AZIN1: variants seen among roughly 807,000 people sequenced by gnomAD.
AZIN1 encodes the protein antizyme inhibitor 1.
In AZIN1, 12 loss-of-function variants were observed where a neutral mutation model predicts 47.4. That is an observed-to-expected ratio of 0.25 (90% confidence interval 0.16 to 0.41). The LOEUF is 0.41. AZIN1 is among the 10% of genes least tolerant of loss of function. AZIN1 has a pLI of 1.00. For missense variants in AZIN1, 410 were observed against 532.4 expected (o/e 0.77, Z 2.26); for synonymous variants, 155 against 176.3 (o/e 0.88, Z 0.96).
At position 102,861,547 on chromosome 8, in the gene AZIN1, C is replaced by A. The variant is rs1173354096; in HGVS notation, c.-234+2260G>T. On this transcript the variant is annotated intron_variant, in intron 1 of 11. Coordinates refer to ENST00000337198, the MANE Select transcript of AZIN1 (RefSeq NM_148174.4). ...TAATAAAGTTTATTTTTAAAAAAAA[C>A]AACCAAGGGACAGTCACCTAATGGG... Among the ~76,000 whole-genome samples, 8 of 151,672 alleles carry A rather than the reference C, an allele frequency of 5.3e-5. No individual in the cohort carries two copies. The East Asian group carries it at 9.8e-4, about 19-fold the overall frequency.
intron 2 of AZIN1, among the ~76,000 whole-genome samples, chr8:102,848,995 G>A (rs908671945): frequency 6.6e-6 from 1 of 152,122 alleles, no homozygotes; most frequent in African/African-American, 2.4e-5. Flanking sequence ...GATTCACTAA[G>A]TTAATCTACC....
intron 2 of AZIN1, among the ~76,000 whole-genome samples, chr8:102,846,915 A>T (rs2131250559): frequency 6.6e-6 from 1 of 152,302 alleles, no homozygotes; most frequent in Admixed American, 6.5e-5. Context: ...AAGCTAAATA[A>T]TTTTAATCAA....
intron 8 of AZIN1, among the ~76,000 whole-genome samples, chr8:102,833,473 T>G (rs1246573363): frequency 3.9e-5 from 3 of 76,898 alleles, no homozygotes; most frequent in African/African-American, 1.1e-4. Flanking sequence ...TTTGTTTTTG[T>G]TTTTTTTTAA....
chr8:102,858,820 A>G (rs546973793), intron 1 of AZIN1, among the ~76,000 whole-genome samples: 3 of 152,364 alleles, frequency 2.0e-5, no homozygotes, highest in African/African-American at 7.2e-5. Flanking sequence ...TATTATCACC[A>G]GGAACAAATA....
At chr8:102,843,172 C>T (rs1454662432) in intron 3 of AZIN1, among the ~76,000 whole-genome samples, 1 of 146,162 alleles carries the variant, frequency 6.8e-6, no homozygotes, top group African/African-American at 2.6e-5. Flanking sequence ...CGCCACTGCA[C>T]TCCAGCCTGG....
intron 11 of AZIN1, 49 bp from the exon 12 acceptor site, chr8:102,828,727 A>G: frequency 4.4e-6 from 5 of 1,145,244 alleles, no homozygotes; most frequent in Non-Finnish European, 6.5e-6. Context: ...CCCAAAGACC[A>G]CGTAATCACA....
chr8:102,837,605 T>C (rs780370457), intron 5 of AZIN1, among the ~76,000 whole-genome samples: 29 of 152,142 alleles, frequency 1.9e-4, no homozygotes, highest in Non-Finnish European at 3.7e-4. Context: ...ACATCACAAA[T>C]CACAGCTTGT....
chr8:102,841,975 G>A (rs1369386626), intron 3 of AZIN1, among the ~76,000 whole-genome samples: 1 of 152,088 alleles, frequency 6.6e-6, no homozygotes, highest in Non-Finnish European at 1.5e-5. Flanking sequence ...GCTGGGCCTG[G>A]TGCTGGGCGC....
At position 102,828,560 on chromosome 8, in the gene AZIN1, T is replaced by C; in HGVS notation, c.*7A>G. On this transcript the variant is annotated 3_prime_UTR_variant, in exon 12 of 12. Transcript: ENST00000337198. ...AACTTCAGATCTAAAGAAGCGTTAATGCCTGTTTAAGCTTCAGCGGAAAAG... is the reference window on the plus strand; with the variant it reads ...AACTTCAGATCTAAAGAAGCGTTAACGCCTGTTTAAGCTTCAGCGGAAAAG... 6.3e-7 allele frequency: 1 copy of C among 1,586,628 alleles called. No homozygotes were observed. Among genetic ancestry groups the C allele is most frequent in the South Asian group, 1.1e-5 (1 of 89,666 alleles).
intron 3 of AZIN1, among the ~76,000 whole-genome samples, chr8:102,841,890 C>T (rs1812216773): frequency 6.6e-6 from 1 of 151,110 alleles, no homozygotes; most frequent in African/African-American, 2.4e-5. Context: ...GTGGGTGGAT[C>T]ACCTGAGGTC....
In AZIN1 at chr8:102,830,467, C is replaced by CA. The variant is rs202112686; in HGVS notation, c.905-532dup. Among the ~76,000 whole-genome samples the CA allele has an allele frequency of 8.2e-3, 1,210 of 148,010 alleles. 20 individuals carry two copies. Among genetic ancestry groups the CA allele is most frequent in the African/African-American group, 0.028 (1,118 of 40,224 alleles). ...GAAGACTTTCTGATAGTTGCTGTTT[C>CA]AAAAAAAGAGGAAATGAAGCAGCAA... On this transcript the variant is annotated intron_variant, in intron 9 of 11. Transcript: ENST00000337198.
intron 1 of AZIN1, among the ~76,000 whole-genome samples, chr8:102,858,682 C>T (rs1813442310): frequency 6.6e-6 from 1 of 152,144 alleles, no homozygotes; most frequent in Admixed American, 6.5e-5. Context: ...TTAGCTAATG[C>T]ATTATATATG....
Position 102,864,097 on chromosome 8 carries a change from G to A in AZIN1, c.-524C>T, listed in dbSNP as rs2679745. ...GCAGCAGAGCGAGAAAGGATGAGAA[G>A]AGGCAGAGAAGGCGACGGCAGAAGA... On this transcript the variant is annotated 5_prime_UTR_variant, in exon 1 of 12. Coordinates refer to ENST00000337198, the MANE Select transcript of AZIN1 (RefSeq NM_148174.4). 0.17 allele frequency: 29,372 copies of A among 173,462 alleles called. 2,904 individuals carry two copies. The highest frequency in any genetic ancestry group is 0.31 in the South Asian group (2,671 of 8,640). The allele number at this position is 173,462 out of a possible 1,614,324, so 10.7% of individuals were successfully genotyped here.
At chr8:102,862,017 C>T (rs1034720001) in intron 1 of AZIN1, among the ~76,000 whole-genome samples, 2 of 150,406 alleles carry the variant, frequency 1.3e-5, no homozygotes, top group Non-Finnish European at 3.0e-5. Context: ...GCCTGGGCGA[C>T]AGAGCTAGAC....
At chr8:102,851,455 C>A (rs944801948) in intron 2 of AZIN1, among the ~76,000 whole-genome samples, 6 of 152,224 alleles carry the variant, frequency 3.9e-5, no homozygotes, top group Non-Finnish European at 7.3e-5. Flanking sequence ...CGCCTGTAAT[C>A]CCAGCACTTT....
At chr8:102,841,150 G>A (rs7818550) in intron 3 of AZIN1, among the ~76,000 whole-genome samples, 2,083 of 152,254 alleles carry the variant, frequency 0.014, 43 homozygotes, top group Middle Eastern at 0.041. Context: ...ACAATAGGAC[G>A]ATGAAAAGGG....
At chr8:102,861,287 G>C (rs1813634669) in intron 1 of AZIN1, among the ~76,000 whole-genome samples, 1 of 152,078 alleles carries the variant, frequency 6.6e-6, no homozygotes, top group Non-Finnish European at 1.5e-5. Context: ...GAGTGCCCTG[G>C]TGAGATCTCG....
Position 102,843,731 on chromosome 8 carries a change from T to C in AZIN1, c.-79A>G. On this transcript the variant is annotated 5_prime_UTR_variant, in exon 3 of 12. An upstream open reading frame in the 5' UTR loses its in-frame stop. Transcript: ENST00000337198. Reference sequence around the variant, plus strand: ...GGCCACCAAGCCTATGTCTGGGTCCTTAGAATATGCAACAAACTGTCAAAA... The same window carrying C: ...GGCCACCAAGCCTATGTCTGGGTCCCTAGAATATGCAACAAACTGTCAAAA... 1.3e-6 allele frequency: 2 copies of C among 1,575,956 alleles called. No individual in the cohort carries two copies. The highest frequency in any genetic ancestry group is 1.7e-6 in the Non-Finnish European group (2 of 1,164,888).
At chr8:102,838,598 T>C in intron 5 of AZIN1, 146 bp downstream of exon 5, 1 of 579,108 alleles carries the variant, frequency 1.7e-6, no homozygotes, top group East Asian at 3.1e-5. Flanking sequence ...ATGTTACTAG[T>C]GTTTCCCACA....
Sources: allele counts gnomAD v4.1 joint callset (sites outside exome capture counted in the v4.1 genomes callset), GRCh38; gene constraint gnomAD v4.1.1; transcripts MANE v1.5; gene names NCBI Gene and HGNC (gene_info 2026-07-23, HGNC 2026-07-21).